The following ZMIZ1 variants were observed in gnomAD, a reference collection of about 807,000 sequenced individuals.
ZMIZ1 encodes zinc finger MIZ domain-containing protein 1.
ZMIZ1 carries 17 observed loss-of-function variants against 113.9 expected under a neutral mutation model. The observed-to-expected ratio is 0.15, with a 90% CI of 0.10 to 0.22. The LOEUF is 0.22. Ranked by LOEUF, ZMIZ1 falls within the 10% of genes least tolerant of loss-of-function variation. The pLI, the probability that ZMIZ1 is intolerant of heterozygous loss-of-function variation, is 1.00. For missense variants in ZMIZ1, 1,059 were observed against 1,477.8 expected, an observed-to-expected ratio of 0.72 and a Z score of 4.65; for synonymous variants, 607 against 603.1, an observed-to-expected ratio of 1.01 and a Z score of -0.09.
intron 7 of ZMIZ1, among the ~76,000 whole-genome samples, chr10:79,243,422 C>A (rs1430686256): frequency 1.3e-5 from 2 of 149,282 alleles, no homozygotes; most frequent in African/African-American, 2.4e-5. Flanking sequence ...TGGAGACGGG[C>A]GATGAATAAT....
chr10:79,148,871 A>T (rs1287901674), intron 3 of ZMIZ1, among the ~76,000 whole-genome samples: 1 of 152,110 alleles, frequency 6.6e-6, no homozygotes, highest in East Asian at 1.9e-4. Context: ...TTTCCAATTG[A>T]GTCCCTCCCG....
At chr10:79,140,032 A>G (rs1186131903) in intron 3 of ZMIZ1, among the ~76,000 whole-genome samples, 1 of 152,074 alleles carries the variant, frequency 6.6e-6, no homozygotes, top group Non-Finnish European at 1.5e-5. Flanking sequence ...TCCTGTACTT[A>G]CCTCAGTTCT....
intron 1 of ZMIZ1, among the ~76,000 whole-genome samples, chr10:79,097,649 G>A (rs1843217552): frequency 6.6e-6 from 1 of 152,202 alleles, no homozygotes; most frequent in South Asian, 2.1e-4. Flanking sequence ...CTCAATAAAT[G>A]TGCAGCTGGC....
chr10:79,296,544 A>G lies in ZMIZ1; in HGVS notation c.1304A>G (p.Asn435Ser), dbSNP rs1352409902. The change falls in exon 13 of 25, where the codon AAC becomes AGC. Residue 435 changes from asparagine to serine, a missense_variant. Physicochemically the swap from Asn to Ser is conservative, Grantham distance 46 (BLOSUM62 1). Transcript: ENST00000334512. The surrounding 1 kb of genome is among the most constrained non-coding windows in gnomAD (Gnocchi z 4.1). ...PTQPGQYPAP[N>S]PPRPLTSPNY... Reference sequence around the variant, plus strand: ...CAGCCAGGCCAGTACCCAGCCCCCAACCCCCCGAGGCCACTCACCTCCCCC... The same window carrying G: ...CAGCCAGGCCAGTACCCAGCCCCCAGCCCCCCGAGGCCACTCACCTCCCCC... The G allele has an allele frequency of 3.1e-6, 5 of 1,610,964 alleles. No individual in the cohort carries two copies. Among genetic ancestry groups the G allele is most frequent in the Non-Finnish European group, 4.2e-6 (5 of 1,178,800 alleles).
At chr10:79,169,210 GT>G (rs1846501912) in intron 4 of ZMIZ1, among the ~76,000 whole-genome samples, 1 of 152,198 alleles carries the variant, frequency 6.6e-6, no homozygotes, top group African/African-American at 2.4e-5. Flanking sequence ...GCCCCTGCCA[GT>G]TTTCTCTGGT....
intron 1 of ZMIZ1, among the ~76,000 whole-genome samples, chr10:79,077,296 C>T (rs1842505643): frequency 6.6e-6 from 1 of 152,078 alleles, no homozygotes; most frequent in Non-Finnish European, 1.5e-5. Flanking sequence ...CAAGGATCAG[C>T]AGGGCACAGA....
intron 7 of ZMIZ1, among the ~76,000 whole-genome samples, chr10:79,241,185 A>G (rs1310044199): frequency 6.6e-6 from 1 of 152,200 alleles, no homozygotes; most frequent in Non-Finnish European, 1.5e-5. Flanking sequence ...AGGTACATCC[A>G]TCTCAGTGTT....
At chr10:79,174,753 A>G (rs919856232) in intron 4 of ZMIZ1, among the ~76,000 whole-genome samples, 3 of 152,228 alleles carry the variant, frequency 2.0e-5, no homozygotes, top group African/African-American at 4.8e-5. Flanking sequence ...AAAACACGTG[A>G]CACACACAAG....
At chr10:79,218,433 C>T (rs1202459368) in intron 7 of ZMIZ1, among the ~76,000 whole-genome samples, 1 of 152,036 alleles carries the variant, frequency 6.6e-6, no homozygotes, top group Non-Finnish European at 1.5e-5. Flanking sequence ...CAAGATCGAG[C>T]CACTGCATTC....
At chr10:79,304,770 TTATC>T (rs1854566278) in intron 19 of ZMIZ1, among the ~76,000 whole-genome samples, 1 of 152,198 alleles carries the variant, frequency 6.6e-6, no homozygotes, top group Admixed American at 6.5e-5. Flanking sequence ...TCTGGTCACT[TTATC>T]TATCTGATAC....
chr10:79,245,153 G>A (rs1263642059), intron 7 of ZMIZ1, among the ~76,000 whole-genome samples: 2 of 152,170 alleles, frequency 1.3e-5, no homozygotes, highest in Non-Finnish European at 1.5e-5. Flanking sequence ...TTTACACCTC[G>A]CTACATAAGG....
intron 2 of ZMIZ1, among the ~76,000 whole-genome samples, chr10:79,136,357 C>T (rs952774658): frequency 1.3e-5 from 2 of 152,264 alleles, no homozygotes; most frequent in Non-Finnish European, 2.9e-5. Context: ...CCACTTCTGT[C>T]TGTGGCAAGG....
chr10:79,077,723 T>A (rs984785324), intron 1 of ZMIZ1, among the ~76,000 whole-genome samples: 98 of 152,364 alleles, frequency 6.4e-4, no homozygotes, highest in African/African-American at 2.2e-3. Context: ...GTTTAACTTC[T>A]CCGACTTTGG....
At chr10:79,299,305 T>C in intron 16 of ZMIZ1, 114 bp downstream of exon 16, 14 of 1,396,362 alleles carry the variant, frequency 1.0e-5, no homozygotes, top group Admixed American at 5.0e-5. Flanking sequence ...TTCTGACACC[T>C]TCACGTGTTC....
At chr10:79,266,613 G>T (rs139993226) in intron 7 of ZMIZ1, among the ~76,000 whole-genome samples, 1 of 152,136 alleles carries the variant, frequency 6.6e-6, no homozygotes, top group Non-Finnish European at 1.5e-5. Context: ...CACTGATGGT[G>T]CGGTGGTCTC....
At chr10:79,302,711 A>ATTTTTTT (rs1854396786) in intron 18 of ZMIZ1, among the ~76,000 whole-genome samples, 1 of 55,728 alleles carries the variant, frequency 1.8e-5, no homozygotes, top group African/African-American at 5.3e-5. Flanking sequence ...TTTTTGAGAG[A>ATTTTTTT]GAGAGAGAAT....
chr10:79,223,052 C>T (rs537947817), intron 7 of ZMIZ1, among the ~76,000 whole-genome samples: 9 of 152,278 alleles, frequency 5.9e-5, no homozygotes, highest in South Asian at 4.1e-4. Context: ...GGCTTGACTC[C>T]GATCTCCCCC....
chr10:79,235,088 C>A (rs1411088603), intron 7 of ZMIZ1, among the ~76,000 whole-genome samples: 5 of 152,248 alleles, frequency 3.3e-5, no homozygotes, highest in African/African-American at 1.2e-4. Context: ...CACTCCTTGC[C>A]CTGCCCTGGC....
rs71479648 is a variant in ZMIZ1, at chr10:79,075,316, C to G, written c.-337+6046C>G. On this transcript the variant is annotated intron_variant, in intron 1 of 24. Coordinates refer to ENST00000334512, the MANE Select transcript of ZMIZ1 (RefSeq NM_020338.4). ...AGGCCCACAGAGGGACAGAGACTGG[C>G]TCAGGACCTTGATGGCTGGTAGCAG... Among the ~76,000 whole-genome samples the G allele has an allele frequency of 1.4e-3, 211 of 152,332 alleles. 1 individual carries two copies. Among genetic ancestry groups the G allele is most frequent in the Middle Eastern group, 3.4e-3 (1 of 292 alleles).
Sources: allele counts gnomAD v4.1 joint callset (sites outside exome capture counted in the v4.1 genomes callset), GRCh38; gene constraint gnomAD v4.1.1; non-coding constraint Gnocchi (gnomAD v3.1); transcripts MANE v1.5; gene names NCBI Gene and HGNC (gene_info 2026-07-23, HGNC 2026-07-21).